The following MADD variants were observed in gnomAD, a reference collection of about 807,000 sequenced individuals.
MADD encodes MAP kinase activating death domain.
MADD carries 109 observed loss-of-function variants against 176.7 expected under a neutral mutation model. That is an observed-to-expected ratio of 0.62 (90% CI 0.53 to 0.72). MADD has a LOEUF of 0.72. MADD is among the 30% of genes least tolerant of loss of function. MADD has a pLI of 0.00. For synonymous variants in MADD, 771 were observed against 771.3 expected (o/e 1.00, Z 0.01); for missense variants, 1,914 against 2,045.5 (o/e 0.94, Z 1.24).
intron 22 of MADD, among the ~76,000 whole-genome samples, chr11:47,303,695 G>A (rs766693017): frequency 2.4e-4 from 35 of 147,648 alleles, no homozygotes; most frequent in South Asian, 8.9e-4. Flanking sequence ...AACCTGCGCC[G>A]CTTGGGTTCA....
intron 1 of MADD, 53 bp from the exon 2 acceptor site, chr11:47,273,774 A>T (rs529722836): frequency 1.5e-5 from 10 of 654,838 alleles, no homozygotes; most frequent in Non-Finnish European, 2.7e-5. Flanking sequence ...GTTGAGAGGG[A>T]TGAGTCCCTT....
Position 47,325,026 on chromosome 11 carries a change from C to CG in MADD, c.4542+449_4542+450insG. The stretch of plus-strand genomic sequence containing the variant: ...GTGTGCGTGCGTGCGTGCCTGCGTG[C>CG]TTGTGTGTAAGTAGCTTGTATCTGT... On this transcript the variant is annotated intron_variant, in intron 30 of 32. Coordinates refer to ENST00000402192, the Ensembl canonical transcript of MADD. The surrounding 1 kb of genome is among the most constrained non-coding windows in gnomAD (Gnocchi z 4.5). 1 of 514,802 alleles carries CG rather than the reference C, an allele frequency of 1.9e-6. No individual in the cohort carries two copies. Among genetic ancestry groups the CG allele is most frequent in the Admixed American group, 3.4e-5 (1 of 29,330 alleles). 31.9% of individuals were successfully genotyped at this position (514,802 alleles called of 1,614,324 possible).
chr11:47,271,100 A>G (rs1391756106), intron 1 of MADD: 2 of 152,230 alleles, frequency 1.3e-5, no homozygotes, highest in Non-Finnish European at 2.9e-5. Context: ...GCTGATGGTG[A>G]TGTCGGACTT....
chr11:47,286,328 G>A, intron 14 of MADD, 105 bp from the exon 15 acceptor site: 4 of 766,370 alleles, frequency 5.2e-6, no homozygotes, highest in Non-Finnish European at 9.3e-6. Context: ...ACCAAACTGG[G>A]ATTGTGTTTG....
chr11:47,325,007 G>A lies in MADD; in HGVS notation c.4542+430G>A, dbSNP rs922795953. 7.4e-5 allele frequency: 40 copies of A among 539,964 alleles called. No homozygotes were observed. The highest frequency in any genetic ancestry group is 4.9e-4 in the Middle Eastern group (1 of 2,054). 33.4% of individuals were successfully genotyped at this position (539,964 alleles called of 1,614,324 possible). A position where few individuals can be genotyped will look rare whatever the true frequency, so the allele number is the denominator to read the frequency against. The stretch of plus-strand genomic sequence containing the variant: ...TGGTGTGCGTGCAGCTTGCGTGTGC[G>A]TGCGTGCGTGCCTGCGTGCTTGTGT... On this transcript the variant is annotated intron_variant, in intron 30 of 32. Coordinates refer to ENST00000402192, the Ensembl canonical transcript of MADD. The surrounding 1 kb of genome is among the most constrained non-coding windows in gnomAD (Gnocchi z 4.5).
intron 22 of MADD, among the ~76,000 whole-genome samples, chr11:47,300,776 G>A (rs7116451): frequency 0.27 from 41,263 of 152,120 alleles, 6,916 homozygotes; most frequent in Non-Finnish European, 0.39. Flanking sequence ...GGGATTATAG[G>A]CGTGAACCAC....
At chr11:47,326,033 G>A (rs1322450888) in intron 30 of MADD, among the ~76,000 whole-genome samples, 2 of 152,218 alleles carry the variant, frequency 1.3e-5, no homozygotes, top group East Asian at 3.8e-4. Flanking sequence ...GGGTAAATGG[G>A]AAAAGCACAG....
At chr11:47,290,291 A>G (rs374821739) in exon 18 of MADD, 12 of 1,613,810 alleles carry the variant, frequency 7.4e-6, no homozygotes, top group African/African-American at 1.3e-5. Context: ...ACCCACTACT[A>G]TAGTAAAGGT....
chr11:47,289,662 T>A (rs912766289), intron 16 of MADD, among the ~76,000 whole-genome samples, 169 bp downstream of exon 17: 5 of 152,156 alleles, frequency 3.3e-5, no homozygotes, highest in Admixed American at 2.6e-4. Context: ...AACTGAAAGC[T>A]TACAGTGTTG....
chr11:47,273,340 AT>A (rs11318834), intron 1 of MADD, among the ~76,000 whole-genome samples: 94,861 of 150,092 alleles, frequency 0.63, 30,898 homozygotes, highest in Middle Eastern at 0.73. Flanking sequence ...ATTTATCTAC[AT>A]TTTTTTTTTT....
At chr11:47,326,634 A>G in intron 30 of MADD, 82 bp downstream of exon 34, 1 of 1,528,346 alleles carries the variant, frequency 6.5e-7, no homozygotes, top group Non-Finnish European at 8.8e-7. Context: ...TCTTTGGGAA[A>G]TAGACTTTCT....
At chr11:47,277,943 C>T (rs1192395634) in intron 5 of MADD, among the ~76,000 whole-genome samples, 2 of 152,178 alleles carry the variant, frequency 1.3e-5, no homozygotes, top group Non-Finnish European at 2.9e-5. Context: ...ACTGGAATCA[C>T]AGAAAGTGAA....
intron 2 of MADD, 26 bp from the exon 3 acceptor site, chr11:47,274,537 G>T: frequency 6.4e-7 from 1 of 1,569,860 alleles, no homozygotes. Flanking sequence ...CCTTCAGGCT[G>T]CTGAATTTGT....
chr11:47,316,893 A>C (rs920063134), intron 27 of MADD, among the ~76,000 whole-genome samples: 1 of 151,802 alleles, frequency 6.6e-6, no homozygotes. Flanking sequence ...ACAGTCGCCC[A>C]CCACCATGCC....
chr11:47,274,575 T>C (rs2048102793), exon 3 of MADD: 1 of 1,611,240 alleles, frequency 6.2e-7, no homozygotes, highest in Non-Finnish European at 8.5e-7. Flanking sequence ...ACCCGAGCAG[T>C]GATAGCGTGG....
chr11:47,316,889 G>A (rs1040320186), intron 27 of MADD, among the ~76,000 whole-genome samples: 3 of 151,738 alleles, frequency 2.0e-5, no homozygotes, highest in African/African-American at 4.8e-5. Flanking sequence ...GATTACAGTC[G>A]CCCACCACCA....
In MADD at chr11:47,298,083, C is replaced by T. The variant is rs562342103; in HGVS notation, c.3642+2028C>T. On this transcript the variant is annotated intron_variant, in intron 22 of 32. Coordinates refer to ENST00000402192, the Ensembl canonical transcript of MADD. ...GATTACAGGCATGAGCCACCGCGCC[C>T]GGCCTTCTTTACATATTAGTTCAAC... Among the ~76,000 whole-genome samples, 36 of 152,284 alleles carry T rather than the reference C, an allele frequency of 2.4e-4. 1 individual carries two copies. In the South Asian group the frequency reaches 4.6e-3, roughly 19 times the overall value.
intron 1 of MADD, chr11:47,270,947 C>T (rs1962110010): frequency 6.6e-6 from 1 of 152,214 alleles, no homozygotes; most frequent in South Asian, 2.1e-4. Context: ...GATGTCATAT[C>T]GCTCTCTGGT....
chr11:47,308,729 A>G (rs758908848), intron 23 of MADD, 30 bp downstream of exon 25: 1 of 1,580,326 alleles, frequency 6.3e-7, no homozygotes, highest in South Asian at 1.1e-5. Context: ...GGCCCTTTGC[A>G]CTGGAGAAAG....
Sources: allele counts gnomAD v4.1 joint callset (sites outside exome capture counted in the v4.1 genomes callset), GRCh38; gene constraint gnomAD v4.1.1; non-coding constraint Gnocchi (gnomAD v3.1); transcripts MANE v1.5; gene names NCBI Gene and HGNC (gene_info 2026-07-23, HGNC 2026-07-21).